The following OSBPL9 variants were observed in gnomAD, a reference collection of about 807,000 sequenced individuals.
The protein encoded by OSBPL9 is oxysterol-binding protein-related protein 9.
OSBPL9 carries 40 observed loss-of-function variants against 106.6 expected under a neutral mutation model. The observed-to-expected ratio is 0.38, with a 90% CI of 0.29 to 0.49. The LOEUF (loss-of-function observed/expected upper bound fraction) is 0.49. OSBPL9 is among the 20% of genes least tolerant of loss of function. The pLI, the probability that OSBPL9 is intolerant of heterozygous loss-of-function variation, is 0.97. For synonymous variants in OSBPL9, 269 were observed against 295.4 expected, an observed-to-expected ratio of 0.91 and a Z score of 0.92; for missense variants, 609 against 887.2, an observed-to-expected ratio of 0.69 and a Z score of 3.98.
intron 1 of OSBPL9, among the ~76,000 whole-genome samples, chr1:51,645,022 A>C (rs1646061303): frequency 6.6e-6 from 1 of 152,114 alleles, no homozygotes; most frequent in Non-Finnish European, 1.5e-5. Flanking sequence ...TCCCCTTGTA[A>C]ACAGATCAAC....
intron 4 of OSBPL9, among the ~76,000 whole-genome samples, chr1:51,731,522 A>G (rs1664406688): frequency 1.3e-5 from 2 of 152,094 alleles, no homozygotes; most frequent in Admixed American, 1.3e-4. Context: ...GCTGCCTATA[A>G]TCCCAGCACT....
the OSBPL9 span, among the ~76,000 whole-genome samples, chr1:51,533,845 CTTT>C: frequency 3.4e-5 from 4 of 116,280 alleles, no homozygotes; most frequent in East Asian, 5.2e-4. Flanking sequence ...TTTTTTCTTT[CTTT>C]TTTTTTTTTT....
intron 3 of OSBPL9, among the ~76,000 whole-genome samples, chr1:51,712,478 T>TATCTC (rs1660279378): frequency 5.3e-5 from 8 of 152,206 alleles, no homozygotes. Flanking sequence ...ACTTACTGTC[T>TATCTC]TTTGTTCTCA....
At chr1:51,745,709 C>T (rs2149000933) in intron 5 of OSBPL9, 78 bp downstream of exon 5, 1 of 1,396,056 alleles carries the variant, frequency 7.2e-7, no homozygotes, top group Non-Finnish European at 9.3e-7. Context: ...AAAACAGTTA[C>T]TTGATGTTAA....
At chr1:51,660,697 A>G (rs1373915442) in intron 2 of OSBPL9, among the ~76,000 whole-genome samples, 2 of 152,220 alleles carry the variant, frequency 1.3e-5, no homozygotes, top group Non-Finnish European at 2.9e-5. Flanking sequence ...TAGGTCCTCC[A>G]TGCAGCGTCT....
chr1:51,699,812 A>G (rs540702808), intron 3 of OSBPL9, among the ~76,000 whole-genome samples: 2 of 152,186 alleles, frequency 1.3e-5, no homozygotes, highest in African/African-American at 4.8e-5. Flanking sequence ...TGTTATGTAC[A>G]TAGAGCTAAG....
chr1:51,758,832 G>T (rs556258423), intron 9 of OSBPL9, among the ~76,000 whole-genome samples: 3 of 152,100 alleles, frequency 2.0e-5, no homozygotes, highest in Non-Finnish European at 4.4e-5. Context: ...CGAGAAAAGC[G>T]CTGTGTAAAC....
intron 4 of OSBPL9, among the ~76,000 whole-genome samples, chr1:51,722,762 A>C (rs1662383359): frequency 6.6e-6 from 1 of 152,252 alleles, no homozygotes; most frequent in Non-Finnish European, 1.5e-5. Flanking sequence ...TACCGTATAC[A>C]TGCTTGGTGG....
chr1:51,608,781 T>C (rs919809858), intron 2 of OSBPL9, among the ~76,000 whole-genome samples: 2 of 151,940 alleles, frequency 1.3e-5, no homozygotes, highest in African/African-American at 4.8e-5. Context: ...ACCTACCTTA[T>C]AAATCTCTCT....
chr1:51,756,743 G>A (rs574039058), intron 9 of OSBPL9: 1 of 173,400 alleles, frequency 5.8e-6, no homozygotes, highest in Admixed American at 5.7e-5. Flanking sequence ...TAATCTATTT[G>A]AATATATTTA....
the OSBPL9 span, among the ~76,000 whole-genome samples, chr1:51,543,839 T>C: frequency 6.6e-6 from 1 of 152,198 alleles, no homozygotes; most frequent in African/African-American, 2.4e-5. Context: ...ACTGTAGACC[T>C]CTTTGGAAGG....
intron 1 of OSBPL9, among the ~76,000 whole-genome samples, chr1:51,596,560 CAA>C (rs1181151999): frequency 8.7e-3 from 250 of 28,754 alleles, no homozygotes; most frequent in African/African-American, 0.027. Flanking sequence ...ACTCTTGTCG[CAA>C]AAAAAAAAAA....
the OSBPL9 span, chr1:51,561,370 G>A: frequency 1.6e-4 from 25 of 152,234 alleles, no homozygotes; most frequent in African/African-American, 6.0e-4. Context: ...GACTTTCACA[G>A]TGTCATATTT....
intron 4 of OSBPL9, among the ~76,000 whole-genome samples, 172 bp downstream of exon 4, chr1:51,714,251 C>T (rs1413913035): frequency 6.6e-6 from 1 of 150,408 alleles, no homozygotes; most frequent in Non-Finnish European, 1.5e-5. Flanking sequence ...CATTTATTTT[C>T]TCCTGCTTTC....
chr1:51,550,811 G>A, the OSBPL9 span, among the ~76,000 whole-genome samples: 1 of 152,096 alleles, frequency 6.6e-6, no homozygotes, highest in Non-Finnish European at 1.5e-5. Flanking sequence ...ACTGTGCCTG[G>A]CCCCATACAT....
At chr1:51,730,622 G>A (rs1664171454) in intron 4 of OSBPL9, among the ~76,000 whole-genome samples, 1 of 152,180 alleles carries the variant, frequency 6.6e-6, no homozygotes, top group Non-Finnish European at 1.5e-5. Context: ...GTTATGGAAA[G>A]TTGAGTATAA....
intron 12 of OSBPL9, 121 bp from the exon 13 acceptor site, chr1:51,771,949 C>A: frequency 1.5e-6 from 1 of 670,854 alleles, no homozygotes; most frequent in Non-Finnish European, 2.5e-6. Context: ...GAGACCTTGT[C>A]ATCAAGAGAA....
intron 3 of OSBPL9, among the ~76,000 whole-genome samples, chr1:51,673,670 G>C (rs1411588945): frequency 6.6e-6 from 1 of 152,142 alleles, no homozygotes; most frequent in African/African-American, 2.4e-5. Flanking sequence ...TTAAAGCAGT[G>C]ATAATAGGGA....
chr1:51,786,549 CAAG>C lies in OSBPL9; in HGVS notation c.1936_1938del (p.Lys646del). 6.2e-7 allele frequency: 1 copy of C among 1,609,774 alleles called. No individual in the cohort carries two copies. Among genetic ancestry groups the C allele is most frequent in the South Asian group, 1.1e-5 (1 of 90,950 alleles). On this transcript the variant is annotated inframe_deletion, in exon 22 of 24. Coordinates refer to ENST00000428468, the MANE Select transcript of OSBPL9 (RefSeq NM_024586.6). ...AGGAAAATACAGTCTTTGTAGATACCAAGAAGTTGCCTATAATCAAGAAGAAAG... is the reference window on the plus strand; with the variant it reads ...AGGAAAATACAGTCTTTGTAGATACCAAGTTGCCTATAATCAAGAAGAAAG...
Sources: gnomAD v4.1 joint callset for allele counts (sites outside exome capture counted in the v4.1 genomes callset) on GRCh38, gnomAD v4.1.1 for gene constraint, MANE v1.5 for transcripts, NCBI Gene and HGNC (gene_info 2026-07-23, HGNC 2026-07-21) for gene names.